Variants in PDE1C observed in about 807,000 individuals in gnomAD.
PDE1C encodes phosphodiesterase 1C, also known as dual specificity calcium/calmodulin-dependent 3',5'-cyclic nucleotide phosphodiesterase 1C.
PDE1C carries 62 observed loss-of-function variants against 93.1 expected under a neutral mutation model. The ratio of observed to expected loss-of-function variants is 0.67; its 90% CI spans 0.54 to 0.82. PDE1C has a LOEUF of 0.82. Among genes scored for constraint, PDE1C ranks in the 40% least tolerant of loss-of-function variants. The pLI, the probability that PDE1C is intolerant of heterozygous loss-of-function variation, is 0.00. For synonymous variants in PDE1C, 325 were observed against 310.1 expected, an observed-to-expected ratio of 1.05 and a Z score of -0.50; for missense variants, 742 against 884.6, an observed-to-expected ratio of 0.84 and a Z score of 2.04.
chr7:32,116,205 T>C (rs189375049), intron 3 of PDE1C, among the ~76,000 whole-genome samples: 1 of 152,362 alleles, frequency 6.6e-6, no homozygotes, highest in East Asian at 1.9e-4. Flanking sequence ...TATAGCATCT[T>C]AGTCAATGCA....
rs145948110 is a variant in PDE1C at position 32,102,482 on chromosome 7, C to A, written c.308+67303G>T. ...TATCTGTGAAGTGACAGTAATAATA[C>A]TATCCTCAAAGGGTTGTTACAAGAA... On this transcript the variant is annotated intron_variant, in intron 3 of 18. Coordinates refer to the PDE1C transcript ENST00000396193. Among the ~76,000 whole-genome samples the A allele has an allele frequency of 6.6e-5, 10 of 152,350 alleles. No homozygotes were observed. The East Asian group carries it at 1.9e-3, about 29-fold the overall frequency.
intron 3 of PDE1C, among the ~76,000 whole-genome samples, chr7:32,099,706 C>G (rs990750051): frequency 3.3e-5 from 5 of 152,212 alleles, no homozygotes; most frequent in Admixed American, 2.6e-4. Flanking sequence ...ATCACTCTTA[C>G]GTTTCCTAGA....
At chr7:31,744,507 G>T in the PDE1C span, among the ~76,000 whole-genome samples, 1 of 152,260 alleles carries the variant, frequency 6.6e-6, no homozygotes, top group East Asian at 1.9e-4. Flanking sequence ...GACTGTGAGC[G>T]TATCAGGTGC....
chr7:32,341,173 C>CTTTTTTTTTTTTT (rs3079623), intron 1 of PDE1C, among the ~76,000 whole-genome samples: 20 of 84,946 alleles, frequency 2.4e-4, no homozygotes, highest in South Asian at 6.0e-4. Flanking sequence ...GAAATAAAGT[C>CTTTTTTTTTTTTT]TTTTTTTTTT....
chr7:32,014,823 A>G (rs761512910), intron 2 of PDE1C, among the ~76,000 whole-genome samples: 26 of 152,044 alleles, frequency 1.7e-4, no homozygotes, highest in Non-Finnish European at 3.2e-4. Flanking sequence ...TGGTGCTACA[A>G]AAGTCCCTAT....
chr7:31,904,432 C>T (rs1800347566), intron 2 of PDE1C, among the ~76,000 whole-genome samples: 1 of 151,894 alleles, frequency 6.6e-6, no homozygotes, highest in Non-Finnish European at 1.5e-5. Context: ...GTTAATTTTG[C>T]AGATTCTTCA....
chr7:31,691,671 T>A, the PDE1C span, among the ~76,000 whole-genome samples: 5 of 151,796 alleles, frequency 3.3e-5, no homozygotes, highest in South Asian at 1.0e-3. Context: ...ATGTCTGGAA[T>A]CCCTAGGGAG....
Position 31,864,954 on chromosome 7 carries a change from C to T in PDE1C, c.738G>A (p.Lys246=). Residue 246 remains lysine, a synonymous_variant, in exon 7 of 18, where the codon AAG becomes AAA. Coordinates refer to ENST00000396191, the MANE Select transcript of PDE1C (RefSeq NM_001191057.4). ...VTQTVHYLLY[K]TGVANWLTEL... The stretch of plus-strand genomic sequence containing the variant: ...TATCCCTACTTACCGCCACTCCTGT[C>T]TTATAGAGGAGGTAATGCACTGTCT... The T allele has an allele frequency of 6.2e-7, 1 of 1,613,802 alleles. No individual in the cohort carries two copies. Among genetic ancestry groups the T allele is most frequent in the Non-Finnish European group, 8.5e-7 (1 of 1,179,770 alleles).
At chr7:32,003,542 G>C (rs1387136431) in intron 2 of PDE1C, among the ~76,000 whole-genome samples, 1 of 152,154 alleles carries the variant, frequency 6.6e-6, no homozygotes, top group South Asian at 2.1e-4. Context: ...CTCACCTAAA[G>C]CCAGTAATAT....
intron 1 of PDE1C, among the ~76,000 whole-genome samples, chr7:32,268,083 G>T (rs987979314): frequency 2.6e-5 from 4 of 152,194 alleles, no homozygotes; most frequent in Non-Finnish European, 5.9e-5. Context: ...CAGCCATGCG[G>T]GTCACACCAG....
In PDE1C at chr7:31,780,309, G is replaced by A. The variant is rs139101547; in HGVS notation, c.1892-4577C>T. 2.0e-4 allele frequency among the ~76,000 whole-genome samples: 30 copies of A among 152,254 alleles called. No homozygotes were observed. The East Asian group carries it at 4.2e-3, about 22-fold the overall frequency. ...AAACAACTGGTGTGCTCATCCTCAC[G>A]GATGTGAATCTTGTAAATGGTTTAT... On this transcript the variant is annotated intron_variant, in intron 16 of 17. Transcript: ENST00000396191.
At chr7:31,834,547 T>C (rs533158208) in intron 11 of PDE1C, among the ~76,000 whole-genome samples, 29 of 152,274 alleles carry the variant, frequency 1.9e-4, no homozygotes, top group African/African-American at 6.3e-4. Flanking sequence ...GGAGATCATT[T>C]TGGAGCTTTA....
intron 2 of PDE1C, among the ~76,000 whole-genome samples, chr7:31,887,210 G>A (rs945669085): frequency 6.6e-6 from 1 of 152,114 alleles, no homozygotes; most frequent in Non-Finnish European, 1.5e-5. Flanking sequence ...TAGTATGGAT[G>A]GTTGCTTTTA....
At chr7:32,097,335 T>C (rs1202844607) in intron 3 of PDE1C, among the ~76,000 whole-genome samples, 1 of 152,202 alleles carries the variant, frequency 6.6e-6, no homozygotes, top group African/African-American at 2.4e-5. Context: ...AGCTACTGAA[T>C]TAACTAGGTT....
intron 2 of PDE1C, among the ~76,000 whole-genome samples, chr7:32,004,823 A>G (rs888930190): frequency 1.3e-5 from 2 of 152,256 alleles, no homozygotes; most frequent in Non-Finnish European, 2.9e-5. Context: ...TCAAGTACAC[A>G]TATTAGGTAC....
chr7:31,814,142 A>G (rs1241672078), intron 15 of PDE1C, among the ~76,000 whole-genome samples: 2 of 151,792 alleles, frequency 1.3e-5, no homozygotes, highest in Admixed American at 1.3e-4. Flanking sequence ...ATTGATGGGC[A>G]TTTGGGCTGG....
intron 1 of PDE1C, among the ~76,000 whole-genome samples, chr7:32,406,888 C>T (rs1427562653): frequency 1.3e-5 from 2 of 152,182 alleles, no homozygotes; most frequent in Non-Finnish European, 2.9e-5. Context: ...CTCAGGGATG[C>T]TTTACATTAA....
intron 9 of PDE1C, among the ~76,000 whole-genome samples, chr7:31,842,286 G>A (rs1040675073): frequency 1.1e-4 from 17 of 151,938 alleles, no homozygotes; most frequent in Admixed American, 5.9e-4. Flanking sequence ...TTTTTCCAGA[G>A]TGTGGTATCA....
intron 3 of PDE1C, among the ~76,000 whole-genome samples, chr7:32,110,786 G>C (rs193211232): frequency 1.9e-4 from 29 of 152,278 alleles, no homozygotes; most frequent in Admixed American, 3.9e-4. Flanking sequence ...GAGCAGCTCT[G>C]AGCACAACTA....
Sources: gnomAD v4.1 joint callset for allele counts (sites outside exome capture counted in the v4.1 genomes callset) on GRCh38, gnomAD v4.1.1 for gene constraint, MANE v1.5 for transcripts, NCBI Gene and HGNC (gene_info 2026-07-23, HGNC 2026-07-21) for gene names.